Variants in CSMD1 observed in about 807,000 individuals in gnomAD.
The protein encoded by CSMD1 is CUB and sushi domain-containing protein 1.
A neutral mutation model predicts 417.5 loss-of-function variants in CSMD1; 213 were observed. The ratio of observed to expected loss-of-function variants is 0.51; its 90% CI spans 0.46 to 0.57. The LOEUF is 0.57. CSMD1 is among the 20% of genes least tolerant of loss of function. The probability of loss-of-function intolerance (pLI) is 0.00; values close to 1 mark genes in which losing one functional copy is unlikely to be tolerated. For synonymous variants in CSMD1, 2,862 were observed against 1,736.8 expected (o/e 1.65, Z -16.11); for missense variants, 6,923 against 4,529.7 (o/e 1.53, Z -15.17).
rs188412001 is a variant in CSMD1 at position 3,869,513 on chromosome 8, G to T, written c.819-115471C>A. Among the ~76,000 whole-genome samples the T allele has an allele frequency of 1.6e-4, 25 of 152,212 alleles. 2 individuals are homozygous for T. Among genetic ancestry groups the T allele is most frequent in the Non-Finnish European group, 2.9e-5 (2 of 68,022 alleles). ...TAGTGAGGCTGAATGCGTTTGATAT[G>T]CTTAACAATATTTTATCATTTCTTC... On this transcript the variant is annotated intron_variant, in intron 5 of 69. Coordinates refer to ENST00000635120, the MANE Select transcript of CSMD1 (RefSeq NM_033225.6).
intron 68 of CSMD1, among the ~76,000 whole-genome samples, chr8:2,945,284 G>T (rs1345622038): frequency 6.6e-6 from 1 of 152,060 alleles, no homozygotes; most frequent in African/African-American, 2.4e-5. Flanking sequence ...AATATTATTT[G>T]CATTTTGCTT....
intron 2 of CSMD1, among the ~76,000 whole-genome samples, chr8:4,437,770 A>C (rs1442942069): frequency 6.6e-6 from 1 of 152,048 alleles, no homozygotes; most frequent in Non-Finnish European, 1.5e-5. Context: ...GAAGACAGAG[A>C]TCTTTGAGTT....
chr8:4,825,664 ACAAT>A (rs1340370198), intron 1 of CSMD1, among the ~76,000 whole-genome samples: 4 of 152,040 alleles, frequency 2.6e-5, no homozygotes, highest in Admixed American at 6.6e-5. Flanking sequence ...AGCAAAGAAA[ACAAT>A]CAATCCAGTG....
intron 3 of CSMD1, among the ~76,000 whole-genome samples, chr8:4,271,197 T>G (rs1466542499): frequency 6.6e-6 from 1 of 152,096 alleles, no homozygotes; most frequent in African/African-American, 2.4e-5. Flanking sequence ...TGGATAGATG[T>G]AAACATATAT....
At chr8:4,644,657 C>A (rs1038592076) in intron 1 of CSMD1, among the ~76,000 whole-genome samples, 8 of 152,212 alleles carry the variant, frequency 5.3e-5, no homozygotes, top group African/African-American at 1.9e-4. Flanking sequence ...GATGGCCTCG[C>A]CTCAGCCTCC....
At chr8:4,039,001 T>A (rs969647199) in intron 3 of CSMD1, among the ~76,000 whole-genome samples, 8 of 152,222 alleles carry the variant, frequency 5.3e-5, no homozygotes, top group African/African-American at 1.9e-4. Context: ...TTTCAATGGT[T>A]AAGTGGATGT....
At chr8:3,936,165 G>A (rs1159077600) in intron 5 of CSMD1, among the ~76,000 whole-genome samples, 1 of 136,532 alleles carries the variant, frequency 7.3e-6, no homozygotes, top group Non-Finnish European at 1.6e-5. Context: ...GATACCAGAT[G>A]TCAGTTCATA....
At chr8:3,805,187 C>G (rs1472771558) in intron 5 of CSMD1, among the ~76,000 whole-genome samples, 5 of 152,138 alleles carry the variant, frequency 3.3e-5, no homozygotes, top group African/African-American at 9.7e-5. Context: ...TTCCCCAGGA[C>G]TACAACATGA....
intron 3 of CSMD1, among the ~76,000 whole-genome samples, chr8:4,227,998 C>G (rs902630621): frequency 2.0e-5 from 3 of 151,532 alleles, no homozygotes; most frequent in African/African-American, 4.8e-5. Flanking sequence ...TACATTAAAC[C>G]CCACACCTGG....
chr8:4,983,942 C>T (rs140523747), intron 1 of CSMD1, among the ~76,000 whole-genome samples: 8 of 152,040 alleles, frequency 5.3e-5, no homozygotes, highest in African/African-American at 1.2e-4. Flanking sequence ...TCCTCAATGG[C>T]GAGAAAACTG....
intron 1 of CSMD1, among the ~76,000 whole-genome samples, chr8:4,748,373 TC>T (rs1811089630): frequency 6.6e-6 from 1 of 152,240 alleles, no homozygotes; most frequent in African/African-American, 2.4e-5. Context: ...GGTTTTCTGC[TC>T]CTTTGAATAC....
At chr8:3,794,818 T>C (rs1799951084) in intron 5 of CSMD1, among the ~76,000 whole-genome samples, 1 of 152,034 alleles carries the variant, frequency 6.6e-6, no homozygotes, top group African/African-American at 2.4e-5. Flanking sequence ...TAAACTTTAA[T>C]TCTGAAGGTA....
At chr8:4,800,044 C>A (rs1302293237) in intron 1 of CSMD1, among the ~76,000 whole-genome samples, 1 of 152,126 alleles carries the variant, frequency 6.6e-6, no homozygotes, top group Non-Finnish European at 1.5e-5. Context: ...ATTACTGTTA[C>A]TATTACACCA....
intron 7 of CSMD1, among the ~76,000 whole-genome samples, chr8:3,619,418 G>C (rs1218338644): frequency 6.6e-6 from 1 of 151,844 alleles, no homozygotes; most frequent in African/African-American, 2.4e-5. Flanking sequence ...TACAAAGAAA[G>C]AGGGAAACAT....
chr8:4,206,728 T>C (rs993469286), intron 3 of CSMD1, among the ~76,000 whole-genome samples: 1 of 152,200 alleles, frequency 6.6e-6, no homozygotes, highest in Non-Finnish European at 1.5e-5. Flanking sequence ...TCAAATAGTA[T>C]TTCTAGAGGA....
intron 5 of CSMD1, among the ~76,000 whole-genome samples, chr8:3,820,257 C>A (rs946640430): frequency 6.6e-6 from 1 of 152,060 alleles, no homozygotes; most frequent in Non-Finnish European, 1.5e-5. Context: ...GACCATGTGG[C>A]AAATGGGAAG....
intron 2 of CSMD1, among the ~76,000 whole-genome samples, chr8:4,579,084 A>G (rs2130688890): frequency 6.6e-6 from 1 of 152,052 alleles, no homozygotes; most frequent in Non-Finnish European, 1.5e-5. Flanking sequence ...TTCCATTTAT[A>G]CAGTTTATAA....
At chr8:3,872,300 T>C (rs1936178096) in intron 5 of CSMD1, among the ~76,000 whole-genome samples, 1 of 152,202 alleles carries the variant, frequency 6.6e-6, no homozygotes, top group African/African-American at 2.4e-5. Flanking sequence ...ACCCTGTAAG[T>C]GCCATCTGGC....
intron 1 of CSMD1, among the ~76,000 whole-genome samples, chr8:4,909,719 G>C (rs533904785): frequency 2.6e-5 from 4 of 152,134 alleles, no homozygotes; most frequent in African/African-American, 9.7e-5. Flanking sequence ...GCTCATGAAA[G>C]TGACCATTTA....
Sources: gnomAD v4.1 joint callset for allele counts (sites outside exome capture counted in the v4.1 genomes callset) on GRCh38, gnomAD v4.1.1 for gene constraint, MANE v1.5 for transcripts, NCBI Gene and HGNC (gene_info 2026-07-23, HGNC 2026-07-21) for gene names.